MXRA5: variants seen among roughly 807,000 people sequenced by gnomAD.
MXRA5 encodes matrix remodeling associated 5, also known as matrix-remodeling-associated protein 5.
Under a neutral mutation model 112.5 loss-of-function variants are expected in MXRA5, and 41 were observed. That is an observed-to-expected ratio of 0.36 (90% CI 0.28 to 0.47). The LOEUF (loss-of-function observed/expected upper bound fraction) is 0.47, where lower values mean the gene tolerates loss of function less well. Ranked by LOEUF, MXRA5 falls within the 20% of genes least tolerant of loss-of-function variation. MXRA5 has a pLI of 0.99. For missense variants in MXRA5, 2,150 were observed against 2,251.0 expected (o/e 0.96, Z 0.91); for synonymous variants, 862 against 900.8 (o/e 0.96, Z 0.77).
intron 4 of MXRA5, 93 bp from the exon 5 acceptor site, chrX:3,325,068 T>C: frequency 1.0e-6 from 1 of 987,903 alleles, no homozygotes; most frequent in Non-Finnish European, 1.3e-6. Flanking sequence ...GTTTGCATCT[T>C]TATCACCCAG....
chrX:3,315,798 A>T (rs1485570093), intron 6 of MXRA5, among the ~76,000 whole-genome samples: 1 of 109,710 alleles, frequency 9.1e-6, no homozygotes, highest in Non-Finnish European at 1.9e-5. Flanking sequence ...ATACACTTTG[A>T]CTCTATCAAT....
chrX:3,322,754 G>A lies in MXRA5; in HGVS notation c.2931C>T (p.Tyr977=). Reference sequence around the variant, plus strand: ...ACTTAGTCTCCAAATCTGGGTCAAAGTATTGCATGGGCTCAGACTCAGCCA... The same window carrying A: ...ACTTAGTCTCCAAATCTGGGTCAAAATATTGCATGGGCTCAGACTCAGCCA... ...VSLAESEPMQ[Y]FDPDLETKSQ... is the part of the protein sequence containing the mutation. Residue 977 remains tyrosine (Y), a synonymous_variant, in exon 5 of 7, where the codon TAC becomes TAT. Coordinates refer to ENST00000217939, the MANE Select transcript of MXRA5 (RefSeq NM_015419.4). 8.3e-7 allele frequency: 1 copy of A among 1,211,614 alleles called. No individual in the cohort carries two copies. Among genetic ancestry groups the A allele is most frequent in the Non-Finnish European group, 1.1e-6 (1 of 895,478 alleles).
chrX:3,329,984 C>A (rs201724132), intron 4 of MXRA5, 34 bp downstream of exon 4: 29 of 1,169,642 alleles, frequency 2.5e-5, no homozygotes, highest in Middle Eastern at 3.2e-4. Context: ...AAAGAATGTG[C>A]AGCTAGGAGT....
rs774930600 is a variant in MXRA5 at position 3,330,617 on chromosome X, T to C, written c.318+27A>G. 1.1e-5 allele frequency: 13 copies of C among 1,202,407 alleles called. No individual in the cohort carries two copies. In the Admixed American group the frequency reaches 1.4e-4, roughly 13 times the overall value. ...ACTGGTCTTAGAGGATGCAATTTAG[T>C]GACGCTTATAAATGCCGTGGGTTTA... On this transcript the variant is annotated intron_variant, in intron 3 of 6. Coordinates refer to ENST00000217939, the MANE Select transcript of MXRA5 (RefSeq NM_015419.4).
chrX:3,312,909 T>G (rs1448569488), intron 6 of MXRA5, among the ~76,000 whole-genome samples: 2 of 111,966 alleles, frequency 1.8e-5, no homozygotes, highest in African/African-American at 6.5e-5. Flanking sequence ...GACACTGTCA[T>G]AGATCTTTTA....
chrX:3,344,559 C>T (rs1922063493), intron 1 of MXRA5, among the ~76,000 whole-genome samples: 2 of 111,252 alleles, frequency 1.8e-5, no homozygotes, highest in African/African-American at 6.5e-5. Context: ...GAAATATATT[C>T]AGGCAAACAG....
intron 4 of MXRA5, among the ~76,000 whole-genome samples, chrX:3,326,531 T>G (rs956210272): frequency 2.8e-5 from 3 of 106,239 alleles, no homozygotes; most frequent in Non-Finnish European, 5.8e-5. Flanking sequence ...ATTTATACAT[T>G]TATAATATAT....
intron 5 of MXRA5, among the ~76,000 whole-genome samples, 168 bp from the exon 6 acceptor site, chrX:3,318,171 T>C (rs1921204092): frequency 8.9e-6 from 1 of 111,814 alleles, no homozygotes; most frequent in Non-Finnish European, 1.9e-5. Context: ...TATATTTATT[T>C]TATTCGTTAG....
chrX:3,330,396 T>C lies in MXRA5; in HGVS notation c.331A>G (p.Ser111Gly). 8.4e-7 allele frequency: 1 copy of C among 1,194,478 alleles called. No homozygotes were observed. Among genetic ancestry groups the C allele is most frequent in the Admixed American group, 2.3e-5 (1 of 42,864 alleles). ...GTGATCACTCTCAGCTTGTTGTAGCTGAACTTGAAAACCTGCAAGGACAGG... is the reference window on the plus strand; with the variant it reads ...GTGATCACTCTCAGCTTGTTGTAGCCGAACTTGAAAACCTGCAAGGACAGG... ...DLSSLQVFKF[S>G]YNKLRVITGQ... Residue 111 changes from serine (S) to glycine (G), a missense_variant, in exon 4 of 7, where the codon AGC (serine) becomes GGC (glycine). Ser to Gly is a moderately conservative substitution (Grantham distance 56). This residue lies in a region of MXRA5 where 386 missense variants were observed against 411.0 expected (regional missense o/e 0.94). Transcript: ENST00000217939.
At chrX:3,341,172 CATAATATATATAATATATAATTATT>C (rs1921938038) in intron 2 of MXRA5, among the ~76,000 whole-genome samples, 5 of 7,741 alleles carry the variant, frequency 6.5e-4, no homozygotes, top group African/African-American at 1.2e-3. Flanking sequence ...ATATTATATA[CATAATATATATAATATATAATTATT>C]ATATATAATA....
In MXRA5 at chrX:3,330,140, C is replaced by G. The variant is rs763806125; in HGVS notation, c.587G>C (p.Arg196Thr). 1 of 1,209,431 alleles carries G rather than the reference C, an allele frequency of 8.3e-7. No individual in the cohort carries two copies. The highest frequency in any genetic ancestry group is 1.8e-5 in the South Asian group (1 of 56,423). The change falls in exon 4 of 7, where the codon AGA (arginine) becomes ACA (threonine). Residue 196 changes from arginine to threonine, a missense_variant. By Grantham distance (71) the Arg-to-Thr change is moderately conservative. Coordinates refer to ENST00000217939, the MANE Select transcript of MXRA5 (RefSeq NM_015419.4). ...CCGAAGCATGCTGGCAGGAAGAGTT[C>G]TAACCATGTTCTCTGCTAAGTAGAG... ...RHLYLAENMV[R>T]TLPASMLRNM...
chrX:3,318,977 T>G (rs2146919724), intron 5 of MXRA5, among the ~76,000 whole-genome samples: 1 of 111,744 alleles, frequency 8.9e-6, no homozygotes, highest in Admixed American at 9.5e-5. Context: ...AAACACTGCA[T>G]GATCTCACTT....
At chrX:3,326,446 A>G (rs1487733048) in intron 4 of MXRA5, among the ~76,000 whole-genome samples, 2 of 102,278 alleles carry the variant, frequency 2.0e-5, no homozygotes, top group Non-Finnish European at 3.9e-5. Flanking sequence ...CTGCATATTT[A>G]TAAATTTGTA....
chrX:3,334,734 C>T (rs752465817), intron 2 of MXRA5, among the ~76,000 whole-genome samples: 1 of 111,808 alleles, frequency 8.9e-6, no homozygotes, highest in Admixed American at 9.5e-5. Context: ...TATTCGTAAA[C>T]ATGTCCATTC....
At chrX:3,314,487 CAGAT>C (rs1236116958) in intron 6 of MXRA5, among the ~76,000 whole-genome samples, 4 of 110,928 alleles carry the variant, frequency 3.6e-5, no homozygotes, top group African/African-American at 1.3e-4. Flanking sequence ...GACAGATAGA[CAGAT>C]AGATACGGAT....
At chrX:3,315,373 A>ATAGGTAGAAGGATGGATAGATGATGG (rs774517413) in intron 6 of MXRA5, among the ~76,000 whole-genome samples, 1 of 48,218 alleles carries the variant, frequency 2.1e-5, no homozygotes, top group Non-Finnish European at 3.8e-5. Context: ...AGATAGATAG[A>ATAGGTAGAAGGATGGATAGATGATGG]ATAGATAGAT....
Position 3,322,673 on chromosome X carries a change from G to C in MXRA5, c.3012C>G (p.Thr1004=). ...TGGAGTCATTAACCCAGATGGTGGG[G>C]GTTGGAGTAAGGTGTGCAAAGGTGT... ...KEDTFAHLTP[T]PTIWVNDSST... is the part of the protein sequence containing the mutation. Residue 1004 remains threonine, a synonymous_variant, in exon 5 of 7, where the codon ACC becomes ACG. Coordinates refer to ENST00000217939, the MANE Select transcript of MXRA5 (RefSeq NM_015419.4). 1 of 1,211,477 alleles carries C rather than the reference G, an allele frequency of 8.3e-7. No individual in the cohort carries two copies.
chrX:3,309,908 G>T lies in MXRA5; in HGVS notation c.8295C>A (p.Ile2765=), dbSNP rs764519199. 8.3e-7 allele frequency: 1 copy of T among 1,209,632 alleles called. No individual in the cohort carries two copies. Among genetic ancestry groups the T allele is most frequent in the Admixed American group, 2.2e-5 (1 of 45,749 alleles). Residue 2765 remains isoleucine (I), a synonymous_variant, in exon 7 of 7, where the codon ATC becomes ATA. Transcript: ENST00000217939. The part of the protein sequence containing the change: ...CMAMGIPKAD[I]TWELPDKSHL... ...GCGACTTATCCGGTAACTCCCACGT[G>T]ATGTCAGCTTTGGGAATCCCCATAG...
chrX:3,311,651 G>A lies in MXRA5; in HGVS notation c.6579-27C>T, dbSNP rs1298978967. ...TACAGAAAAAAAGAAAAAGGAGTAA[G>A]ATGTCAGTTTCCCAAATGCTCTAGT... On this transcript the variant is annotated intron_variant, in intron 6 of 6. Transcript: ENST00000217939. 3.5e-6 allele frequency: 4 copies of A among 1,158,187 alleles called. No homozygotes were observed. The South Asian group carries it at 5.5e-5, about 16-fold the overall frequency.
Sources: allele counts gnomAD v4.1 joint callset (sites outside exome capture counted in the v4.1 genomes callset), GRCh38; gene constraint gnomAD v4.1.1; regional missense constraint gnomAD v4.1.1; transcripts MANE v1.5; gene names NCBI Gene and HGNC (gene_info 2026-07-23, HGNC 2026-07-21).